TMPRSS5: variants seen among roughly 807,000 people sequenced by gnomAD.
TMPRSS5 encodes transmembrane serine protease 5.
Under a neutral mutation model 59.7 loss-of-function variants are expected in TMPRSS5, and 45 were observed. That is an observed-to-expected ratio of 0.75 (90% confidence interval 0.59 to 0.97). The LOEUF (loss-of-function observed/expected upper bound fraction) is 0.97. TMPRSS5 is among the 50% of genes least tolerant of loss of function. TMPRSS5 has a pLI of 0.00. For missense variants in TMPRSS5, 585 were observed against 596.7 expected, an observed-to-expected ratio of 0.98 and a Z score of 0.20; for synonymous variants, 225 against 232.0, an observed-to-expected ratio of 0.97 and a Z score of 0.27.
intron 1 of TMPRSS5, among the ~76,000 whole-genome samples, 152 bp from the exon 2 acceptor site, chr11:113,700,320 C>A (rs1953096844): frequency 6.6e-6 from 1 of 152,168 alleles, no homozygotes; most frequent in African/African-American, 2.4e-5. Flanking sequence ...CCTGTATATT[C>A]CCACAAATAC....
Position 113,690,307 on chromosome 11 carries a change from G to A in TMPRSS5, c.1130C>T (p.Ser377Phe). The A allele has an allele frequency of 2.5e-6, 4 of 1,597,564 alleles. No individual in the cohort carries two copies. ...PLFSTQLCNS[S>F]CVYSGALTPR... ...GGTGAGGGCTCCGCTGTACACGCAAGAGCTGTTGCAGAGCTGAGTGCTGAA... is the reference window on the plus strand; with the variant it reads ...GGTGAGGGCTCCGCTGTACACGCAAAAGCTGTTGCAGAGCTGAGTGCTGAA... Residue 377 changes from serine (S) to phenylalanine (F), a missense_variant, in exon 11 of 13, where the codon TCT (serine) becomes TTT (phenylalanine). Physicochemically the swap from Ser to Phe is radical, Grantham distance 155. Transcript: ENST00000299882.
At chr11:113,703,130 A>G (rs1191484191) in intron 1 of TMPRSS5, among the ~76,000 whole-genome samples, 2 of 152,218 alleles carry the variant, frequency 1.3e-5, no homozygotes, top group Non-Finnish European at 2.9e-5. Context: ...AGCCCATGAA[A>G]ACAGCCAGAA....
intron 6 of TMPRSS5, 87 bp from the exon 7 acceptor site, chr11:113,695,530 G>C (rs1952905335): frequency 3.0e-6 from 4 of 1,327,258 alleles, no homozygotes; most frequent in Non-Finnish European, 4.3e-6. Flanking sequence ...GGGGGAGGCT[G>C]GTGGGGGTGG....
At chr11:113,696,364 C>A (rs898672551) in intron 6 of TMPRSS5, among the ~76,000 whole-genome samples, 2 of 152,196 alleles carry the variant, frequency 1.3e-5, no homozygotes, top group African/African-American at 4.8e-5. Context: ...TTCCACAGCC[C>A]TCTTCTCTAG....
chr11:113,690,507 C>T lies in TMPRSS5; in HGVS notation c.1064-134G>A, dbSNP rs947156184. The T allele has an allele frequency of 3.7e-5, 51 of 1,363,232 alleles. 1 individual carries two copies. The highest frequency in any genetic ancestry group is 1.3e-4 in the South Asian group (9 of 67,642). The allele number at this position is 1,363,232 out of a possible 1,614,324, so 84.4% of individuals were successfully genotyped here. On this transcript the variant is annotated intron_variant, in intron 10 of 12. Coordinates refer to ENST00000299882, the MANE Select transcript of TMPRSS5 (RefSeq NM_030770.4). ...GCGAGCCCAGGGTGGGAGCTGTGGA[C>T]GCTGAGCAAGGAAGCAGTAGGCTAT...
intron 1 of TMPRSS5, among the ~76,000 whole-genome samples, chr11:113,705,065 G>C (rs1049469210): frequency 6.6e-6 from 1 of 152,048 alleles, no homozygotes; most frequent in African/African-American, 2.4e-5. Context: ...CAAAACTGAA[G>C]CAACTCCCGT....
At position 113,688,165 on chromosome 11, in the gene TMPRSS5, G is replaced by C. The variant is rs547367520; in HGVS notation, c.*95C>G. 138 of 1,502,602 alleles carry C rather than the reference G, an allele frequency of 9.2e-5. No individual in the cohort carries two copies. The African/African-American group carries it at 1.7e-3, about 18-fold the overall frequency. 93.1% of individuals were successfully genotyped at this position (1,502,602 alleles called of 1,614,324 possible). On this transcript the variant is annotated 3_prime_UTR_variant, in exon 13 of 13. Transcript: ENST00000299882. ...GTAGGAGGTCCATGCGTTCTGTGTC[G>C]GAGGCTACTGCCTCTCCTCCATTAG... is the stretch of plus-strand genomic sequence containing the variant.
chr11:113,703,738 T>C (rs1953206436), intron 1 of TMPRSS5, among the ~76,000 whole-genome samples: 1 of 152,192 alleles, frequency 6.6e-6, no homozygotes, highest in Non-Finnish European at 1.5e-5. Flanking sequence ...CAAGATCTGA[T>C]GGTTTTATAA....
rs912588742 is a variant in TMPRSS5 at position 113,690,795 on chromosome 11, C to T, written c.1063+46G>A. The T allele has an allele frequency of 7.9e-6, 12 of 1,512,316 alleles. No individual in the cohort carries two copies. The African/African-American group carries it at 1.5e-4, about 19-fold the overall frequency. The allele number at this position is 1,512,316 out of a possible 1,614,324, so 93.7% of individuals were successfully genotyped here. A position where few individuals can be genotyped will look rare whatever the true frequency, so the allele number is the denominator to read the frequency against. Reference sequence around the variant, plus strand: ...CCTTGCCTCACCCTGGGGAAGAATGCCTCCCACACCCGCCCCTGCACCGAG... The same window carrying T: ...CCTTGCCTCACCCTGGGGAAGAATGTCTCCCACACCCGCCCCTGCACCGAG... On this transcript the variant is annotated intron_variant, in intron 10 of 12. Transcript: ENST00000299882.
intron 1 of TMPRSS5, among the ~76,000 whole-genome samples, chr11:113,704,181 G>A (rs996006364): frequency 2.0e-5 from 3 of 152,164 alleles, no homozygotes; most frequent in South Asian, 2.1e-4. Flanking sequence ...GAGCCATGAA[G>A]AGGAGTAATG....
At chr11:113,699,231 C>G (rs951978523) in intron 3 of TMPRSS5, among the ~76,000 whole-genome samples, 6 of 58,232 alleles carry the variant, frequency 1.0e-4, no homozygotes, top group Non-Finnish European at 1.5e-4. Context: ...CTCTCTCTCT[C>G]TCTCTCTCTC....
intron 1 of TMPRSS5, 97 bp from the exon 2 acceptor site, chr11:113,700,265 A>G (rs560464079): frequency 9.0e-6 from 10 of 1,112,072 alleles, no homozygotes; most frequent in South Asian, 1.8e-5. Flanking sequence ...AACCCCAGCC[A>G]TGATTCCATT....
chr11:113,694,446 G>T (rs1952868702), intron 8 of TMPRSS5, 32 bp downstream of exon 8: 2 of 1,548,990 alleles, frequency 1.3e-6, no homozygotes, highest in South Asian at 1.2e-5. Flanking sequence ...GGCAACTGAG[G>T]CTCTCTGTCC....
Position 113,690,882 on chromosome 11 carries a change from CGCGAG to C in TMPRSS5, c.1017_1021del (p.Ser340ValfsTer12), listed in dbSNP as rs1565254935. 1 of 1,597,326 alleles carries C rather than the reference CGCGAG, an allele frequency of 6.3e-7. No homozygotes were observed. Among genetic ancestry groups the C allele is most frequent in the East Asian group, 2.3e-5 (1 of 44,104 alleles). On this transcript the variant is annotated frameshift_variant, in exon 10 of 13. Transcript: ENST00000299882. LOFTEE classifies it high-confidence loss of function. ...GTGGCCCCAGCCAGACACCCAGCAC[CGCGAG>C]CCCTTCGGAAAATGCTGTTCCTTGG...
intron 1 of TMPRSS5, among the ~76,000 whole-genome samples, chr11:113,701,024 C>T (rs1055646072): frequency 2.0e-5 from 3 of 152,246 alleles, no homozygotes; most frequent in Non-Finnish European, 4.4e-5. Flanking sequence ...GACATGTTTG[C>T]TTCCCCTTCT....
intron 11 of TMPRSS5, 55 bp downstream of exon 11, chr11:113,690,176 G>GGCCCAA: frequency 5.2e-6 from 2 of 388,228 alleles, no homozygotes; most frequent in Non-Finnish European, 8.3e-6. Context: ...CAGGCCCCCT[G>GGCCCAA]CCCTCCCACC....
chr11:113,699,483 C>G (rs775320588), intron 3 of TMPRSS5, 112 bp downstream of exon 3: 5 of 861,810 alleles, frequency 5.8e-6, no homozygotes, highest in Non-Finnish European at 9.1e-6. Context: ...CTCCCCTTGT[C>G]TGCACAGAGT....
intron 1 of TMPRSS5, 76 bp from the exon 2 acceptor site, chr11:113,700,244 C>G: frequency 7.6e-7 from 1 of 1,313,930 alleles, no homozygotes; most frequent in Non-Finnish European, 1.0e-6. Flanking sequence ...CAGTCCAAGT[C>G]CCCATTCTTT....
intron 1 of TMPRSS5, among the ~76,000 whole-genome samples, chr11:113,704,427 G>A (rs1312121408): frequency 2.6e-5 from 4 of 152,078 alleles, no homozygotes; most frequent in African/African-American, 9.7e-5. Context: ...ATGAGCATGT[G>A]AGCCCCATCT....
Sources: allele counts gnomAD v4.1 joint callset (sites outside exome capture counted in the v4.1 genomes callset), GRCh38; gene constraint gnomAD v4.1.1; transcripts MANE v1.5; gene names NCBI Gene and HGNC (gene_info 2026-07-23, HGNC 2026-07-21).